The following POC1A variants were observed in gnomAD, a reference collection of about 807,000 sequenced individuals.
POC1A encodes POC1 centriolar protein homolog A.
In POC1A, 34 loss-of-function variants were observed where a neutral mutation model predicts 47.8. The ratio of observed to expected loss-of-function variants is 0.71; its 90% CI spans 0.54 to 0.95. POC1A has a LOEUF of 0.95. POC1A is among the 40% of genes least tolerant of loss of function. The pLI is 0.00. For missense variants in POC1A, 466 were observed against 528.3 expected (o/e 0.88, Z 1.16); for synonymous variants, 177 against 207.6 (o/e 0.85, Z 1.27).
In POC1A at chr3:52,079,102, C is replaced by T. The variant is rs1396519766; in HGVS notation, c.1126-3117G>A. On this transcript the variant is annotated intron_variant, in intron 10 of 10. Coordinates refer to ENST00000296484, the MANE Select transcript of POC1A (RefSeq NM_015426.5). This position sits in a 1 kb window ranked among gnomAD's most constrained non-coding sequence, Gnocchi z 4.6. ...GCAGAAGGGGTGTGTGGGGAGTACC[C>T]CTGGCACAGACTGGTTTGGAGCCAT... Among the ~76,000 whole-genome samples, 1 of 152,220 alleles carries T rather than the reference C, an allele frequency of 6.6e-6. No homozygotes were observed. Among genetic ancestry groups the T allele is most frequent in the East Asian group, 1.9e-4 (1 of 5,192 alleles).
At chr3:52,121,685 C>T (rs1559833204) in intron 9 of POC1A, among the ~76,000 whole-genome samples, 1 of 152,170 alleles carries the variant, frequency 6.6e-6, no homozygotes, top group South Asian at 2.1e-4. Context: ...TATGGTCCAA[C>T]GGAGAGACAT....
intron 10 of POC1A, 36 bp from the exon 11 acceptor site, chr3:52,076,021 A>G: frequency 6.5e-7 from 1 of 1,540,060 alleles, no homozygotes; most frequent in Non-Finnish European, 9.0e-7. Flanking sequence ...AGAACACAGA[A>G]GGGCCGCCAG....
chr3:52,075,664 A>ATTCGGG lies in POC1A; in HGVS notation c.*222_*223insCCCGAA, dbSNP rs1702094364. ...TGGTCCTCTCATTCGGGTCTGAAGCATCATTTGTGTGTGAGCCCGGCCCAC... is the reference window on the plus strand; with the variant it reads ...TGGTCCTCTCATTCGGGTCTGAAGCATTCGGGTCATTTGTGTGTGAGCCCGGCCCAC... On this transcript the variant is annotated 3_prime_UTR_variant, in exon 11 of 11. Coordinates refer to ENST00000296484, the MANE Select transcript of POC1A (RefSeq NM_015426.5). The ATTCGGG allele has an allele frequency of 2.2e-6, 1 of 462,950 alleles. No homozygotes were observed. The highest frequency in any genetic ancestry group is 4.0e-6 in the Non-Finnish European group (1 of 248,230). 28.7% of individuals were successfully genotyped at this position (462,950 alleles called of 1,614,324 possible). A position where few individuals can be genotyped will look rare whatever the true frequency, so the allele number is the denominator to read the frequency against.
intron 9 of POC1A, among the ~76,000 whole-genome samples, chr3:52,102,258 G>A (rs1703030205): frequency 6.6e-6 from 1 of 152,162 alleles, no homozygotes; most frequent in South Asian, 2.1e-4. Context: ...TCCTAGGGCT[G>A]CTGTAACAAA....
At chr3:52,126,555 G>A (rs1704010416) in intron 7 of POC1A, among the ~76,000 whole-genome samples, 1 of 152,230 alleles carries the variant, frequency 6.6e-6, no homozygotes, top group Admixed American at 6.5e-5. Flanking sequence ...ACTGAATCCT[G>A]AAAGGACAGT....
Position 52,075,227 on chromosome 3 carries a change from C to T in POC1A, c.*660G>A, listed in dbSNP as rs1026233426. The T allele has an allele frequency of 6.6e-6, 1 of 152,296 alleles. No homozygotes were observed. The highest frequency in any genetic ancestry group is 6.5e-5 in the Admixed American group (1 of 15,300). The allele number at this position is 152,296 out of a possible 1,614,324, so 9.4% of individuals were successfully genotyped here. On this transcript the variant is annotated 3_prime_UTR_variant, in exon 11 of 11. Coordinates refer to ENST00000296484, the MANE Select transcript of POC1A (RefSeq NM_015426.5). ...GATGGGAAGATTGATTAAGTGTCAT[C>T]CAGCATAAGCCACTCCTGCAACAAG... is the stretch of plus-strand genomic sequence containing the variant.
intron 9 of POC1A, among the ~76,000 whole-genome samples, chr3:52,121,011 T>C (rs1427672128): frequency 1.3e-5 from 2 of 152,336 alleles, no homozygotes; most frequent in East Asian, 3.9e-4. Flanking sequence ...CTGCCACCTG[T>C]AGTTTCTAGC....
intron 10 of POC1A, among the ~76,000 whole-genome samples, chr3:52,089,787 C>CT (rs1468288198): frequency 2.0e-5 from 3 of 152,088 alleles, no homozygotes; most frequent in South Asian, 2.1e-4. Flanking sequence ...AATTGGGGGT[C>CT]TATTTCCATA....
intron 9 of POC1A, among the ~76,000 whole-genome samples, chr3:52,099,475 A>C (rs896536335): frequency 2.0e-5 from 3 of 152,254 alleles, no homozygotes; most frequent in African/African-American, 4.8e-5. Flanking sequence ...TGCAAAAGTC[A>C]CATCAGCATT....
intron 6 of POC1A, among the ~76,000 whole-genome samples, chr3:52,141,098 T>C (rs1260028647): frequency 1.3e-5 from 2 of 152,172 alleles, no homozygotes; most frequent in African/African-American, 4.8e-5. Flanking sequence ...AGGTCAAAGA[T>C]ACACCAACAT....
chr3:52,093,438 TG>T (rs1476720714), intron 10 of POC1A, among the ~76,000 whole-genome samples: 1 of 152,166 alleles, frequency 6.6e-6, no homozygotes, highest in Non-Finnish European at 1.5e-5. Flanking sequence ...GAGCTATTTC[TG>T]GTGCTGTCAT....
At chr3:52,136,852 C>T (rs1050183460) in intron 7 of POC1A, among the ~76,000 whole-genome samples, 5 of 152,184 alleles carry the variant, frequency 3.3e-5, no homozygotes, top group Admixed American at 2.6e-4. Flanking sequence ...TCAGGCTAAG[C>T]GTGAGTTAGC....
intron 10 of POC1A, among the ~76,000 whole-genome samples, chr3:52,087,884 C>G (rs937608965): frequency 1.3e-5 from 2 of 152,032 alleles, no homozygotes; most frequent in Non-Finnish European, 2.9e-5. Context: ...ACCAGGGAAG[C>G]CAAGTGTCTG....
At chr3:52,101,321 T>C (rs1702998430) in intron 9 of POC1A, among the ~76,000 whole-genome samples, 1 of 152,012 alleles carries the variant, frequency 6.6e-6, no homozygotes, top group African/African-American at 2.4e-5. Flanking sequence ...TAAGACTATT[T>C]ACCTCAGTCT....
intron 6 of POC1A, among the ~76,000 whole-genome samples, chr3:52,144,851 C>T (rs1421002533): frequency 6.6e-6 from 1 of 152,186 alleles, no homozygotes; most frequent in Non-Finnish European, 1.5e-5. Flanking sequence ...CACCAGGAGT[C>T]AGCTAGGAAG....
rs1462922350 is a variant in POC1A at position 52,089,072 on chromosome 3, A to G, written c.1125+7497T>C. Among the ~76,000 whole-genome samples, 7 of 151,796 alleles carry G rather than the reference A, an allele frequency of 4.6e-5. No individual in the cohort carries two copies. In the East Asian group the frequency reaches 1.4e-3, roughly 29 times the overall value. On this transcript the variant is annotated intron_variant, in intron 10 of 10. Transcript: ENST00000296484. ...CAGACGGGATAAAAGATAGAAAACC[A>G]GAGTTTTTTGCCTGACCCCCATGGG...
intron 9 of POC1A, among the ~76,000 whole-genome samples, chr3:52,110,867 A>T (rs1703355659): frequency 6.6e-6 from 1 of 152,254 alleles, no homozygotes; most frequent in Non-Finnish European, 1.5e-5. Flanking sequence ...AATAACCCTA[A>T]GCCCAAGCTT....
In POC1A at chr3:52,099,321, C is replaced by G. The variant is rs144057032; in HGVS notation, c.982-2609G>C. ...GTAGCCACTCACCTGCATGCCAGCA[C>G]TCTGGAGCTGTGGCATTTCCCTGAG... On this transcript the variant is annotated intron_variant, in intron 9 of 10. Transcript: ENST00000296484. Among the ~76,000 whole-genome samples the G allele has an allele frequency of 5.6e-3, 847 of 152,346 alleles. 6 individuals carry two copies. Among genetic ancestry groups the G allele is most frequent in the Middle Eastern group, 0.02 (6 of 294 alleles).
chr3:52,096,645 T>C lies in POC1A; in HGVS notation c.1049A>G (p.Gln350Arg), dbSNP rs896265205. ...RSVESVQSQP[Q>R]EPVSVPQTLT... ...TGTCTGGGGCACACTCACGGGCTCC[T>C]GGGGCTGGCTCTGCACAGACTCCAC... Residue 350 changes from glutamine (Q) to arginine (R), a missense_variant, in exon 10 of 11, where the codon CAG (glutamine) becomes CGG (arginine). Physicochemically the swap from Gln to Arg is conservative, Grantham distance 43. Coordinates refer to ENST00000296484, the MANE Select transcript of POC1A (RefSeq NM_015426.5). 1 of 1,613,030 alleles carries C rather than the reference T, an allele frequency of 6.2e-7. No homozygotes were observed. The highest frequency in any genetic ancestry group is 8.5e-7 in the Non-Finnish European group (1 of 1,179,630).
Sources: allele counts gnomAD v4.1 joint callset (sites outside exome capture counted in the v4.1 genomes callset), GRCh38; gene constraint gnomAD v4.1.1; non-coding constraint Gnocchi (gnomAD v3.1); transcripts MANE v1.5; gene names NCBI Gene and HGNC (gene_info 2026-07-23, HGNC 2026-07-21).